Variants in NBAS observed in about 807,000 individuals in gnomAD.
NBAS encodes the protein NBAS subunit of NRZ tethering complex, also known as NAG/BC035112 fusion.
A neutral mutation model predicts 302.5 loss-of-function variants in NBAS; 219 were observed. The ratio of observed to expected loss-of-function variants is 0.72; its 90% CI spans 0.65 to 0.81. The LOEUF is 0.81. Among genes scored for constraint, NBAS ranks in the 30% least tolerant of loss-of-function variants. NBAS has a pLI of 0.00. For missense variants in NBAS, 2,932 were observed against 2,841.6 expected, an observed-to-expected ratio of 1.03 and a Z score of -0.72; for synonymous variants, 1,118 against 1,021.6, an observed-to-expected ratio of 1.09 and a Z score of -1.80.
chr2:15,357,433 A>C (rs946097367), intron 32 of NBAS, among the ~76,000 whole-genome samples: 2 of 152,194 alleles, frequency 1.3e-5, no homozygotes, highest in Non-Finnish European at 2.9e-5. Flanking sequence ...TTTAATGAGC[A>C]TAAGTTTACT....
intron 48 of NBAS, among the ~76,000 whole-genome samples, chr2:15,198,024 A>G (rs913389158): frequency 1.3e-5 from 2 of 152,218 alleles, no homozygotes; most frequent in Non-Finnish European, 2.9e-5. Flanking sequence ...AGTTGTCTTC[A>G]TATATTGTGA....
the NBAS span, among the ~76,000 whole-genome samples, chr2:14,840,387 A>G: frequency 6.6e-6 from 1 of 152,086 alleles, no homozygotes; most frequent in African/African-American, 2.4e-5. Flanking sequence ...ATAACAAAAA[A>G]CATTCCAAAC....
chr2:15,077,315 G>T, the NBAS span, among the ~76,000 whole-genome samples: 1 of 152,154 alleles, frequency 6.6e-6, no homozygotes, highest in Admixed American at 6.5e-5. Context: ...CCTCCCACCA[G>T]GTCCCTCCCT....
chr2:14,870,934 A>G, the NBAS span, among the ~76,000 whole-genome samples: 6,204 of 152,102 alleles, frequency 0.041, 168 homozygotes, highest in Non-Finnish European at 0.059. Context: ...AGAAATTAGG[A>G]AACCACAAAT....
In NBAS at chr2:15,537,724, T is replaced by G. The variant is rs115434736; in HGVS notation, c.514-1173A>C. ...ACTCTATCTTTAAAAAAAGAAAAAATGGTATATAAGCCTGAGTCTAACCAC... is the reference window on the plus strand; with the variant it reads ...ACTCTATCTTTAAAAAAAGAAAAAAGGGTATATAAGCCTGAGTCTAACCAC... On this transcript the variant is annotated intron_variant, in intron 7 of 51. Coordinates refer to ENST00000281513, the MANE Select transcript of NBAS (RefSeq NM_015909.4). Among the ~76,000 whole-genome samples, 467 of 152,194 alleles carry G rather than the reference T, an allele frequency of 3.1e-3. 1 individual carries two copies. Among genetic ancestry groups the G allele is most frequent in the African/African-American group, 0.01 (434 of 41,536 alleles).
chr2:15,290,561 C>G (rs1373672978), intron 41 of NBAS, among the ~76,000 whole-genome samples: 2 of 152,228 alleles, frequency 1.3e-5, no homozygotes, highest in African/African-American at 4.8e-5. Flanking sequence ...TCTAAGAAAC[C>G]GTGAACATGG....
At chr2:14,866,981 G>A in the NBAS span, among the ~76,000 whole-genome samples, 4 of 152,280 alleles carry the variant, frequency 2.6e-5, no homozygotes, top group Non-Finnish European at 5.9e-5. Context: ...ATATATGCCT[G>A]ACTTTTTTAG....
intron 11 of NBAS, among the ~76,000 whole-genome samples, chr2:15,499,220 G>A (rs75662673): frequency 0.07 from 10,689 of 152,254 alleles, 454 homozygotes; most frequent in East Asian, 0.13. Flanking sequence ...GAGCCACTGC[G>A]TCCAGCCTCA....
the NBAS span, among the ~76,000 whole-genome samples, chr2:14,845,308 G>T: frequency 6.6e-5 from 10 of 152,300 alleles, no homozygotes; most frequent in East Asian, 1.5e-3. Flanking sequence ...GACCATCAAG[G>T]TGGTACCTCT....
At chr2:14,965,669 A>G in the NBAS span, among the ~76,000 whole-genome samples, 2 of 152,174 alleles carry the variant, frequency 1.3e-5, no homozygotes, top group Non-Finnish European at 2.9e-5. Context: ...TTCCCAATTC[A>G]TTCTGTGAGT....
intron 48 of NBAS, among the ~76,000 whole-genome samples, chr2:15,203,650 C>A (rs1201219774): frequency 6.6e-6 from 1 of 152,080 alleles, no homozygotes; most frequent in Non-Finnish European, 1.5e-5. Context: ...ATAGACCAAG[C>A]ATGTCCATAC....
intron 21 of NBAS, among the ~76,000 whole-genome samples, chr2:15,440,475 A>C (rs904876826): frequency 5.9e-5 from 9 of 152,184 alleles, no homozygotes; most frequent in African/African-American, 2.2e-4. Flanking sequence ...AAACTAACAA[A>C]CAGAAAGGAC....
At chr2:15,345,553 A>C (rs1673050422) in intron 35 of NBAS, among the ~76,000 whole-genome samples, 3 of 152,210 alleles carry the variant, frequency 2.0e-5, no homozygotes, top group Non-Finnish European at 1.5e-5. Context: ...AGGAAGAATC[A>C]ATGTATCGTG....
chr2:15,150,195 T>C, the NBAS span, among the ~76,000 whole-genome samples: 1 of 152,202 alleles, frequency 6.6e-6, no homozygotes, highest in Admixed American at 6.5e-5. Context: ...GAATGTGTTA[T>C]TAATATGTGT....
At chr2:14,812,306 C>T in the NBAS span, among the ~76,000 whole-genome samples, 1 of 152,186 alleles carries the variant, frequency 6.6e-6, no homozygotes, top group South Asian at 2.1e-4. Context: ...TCAGTTCCTA[C>T]TAGTCAAAGC....
the NBAS span, among the ~76,000 whole-genome samples, chr2:14,965,281 C>A: frequency 1.3e-5 from 2 of 151,732 alleles, no homozygotes. Context: ...AAAATTGAGA[C>A]CCCCCCTACC....
chr2:15,536,388 TC>T, intron 8 of NBAS, 29 bp downstream of exon 8: 1 of 1,608,514 alleles, frequency 6.2e-7, no homozygotes, highest in South Asian at 1.1e-5. Context: ...AAACATTATT[TC>T]AAATATGGCT....
intron 40 of NBAS, among the ~76,000 whole-genome samples, chr2:15,293,774 A>T (rs751333488): frequency 3.0e-4 from 46 of 152,226 alleles, no homozygotes; most frequent in Non-Finnish European, 5.4e-4. Flanking sequence ...TGTCGAGTCT[A>T]GATTACCAAA....
intron 19 of NBAS, among the ~76,000 whole-genome samples, chr2:15,465,929 C>T (rs910419533): frequency 3.3e-5 from 5 of 152,136 alleles, no homozygotes; most frequent in African/African-American, 1.2e-4. Flanking sequence ...TGTATCTGTA[C>T]AGACTTCTGC....
Sources: gnomAD v4.1 joint callset for allele counts (sites outside exome capture counted in the v4.1 genomes callset) on GRCh38, gnomAD v4.1.1 for gene constraint, MANE v1.5 for transcripts, NCBI Gene and HGNC (gene_info 2026-07-23, HGNC 2026-07-21) for gene names.